ACOXL: variants seen among roughly 807,000 people sequenced by gnomAD.
The protein encoded by ACOXL is acyl-CoA oxidase like, also known as acyl-coenzyme A oxidase-like protein.
In ACOXL, 70 loss-of-function variants were observed where a neutral mutation model predicts 71.9. That is an observed-to-expected ratio of 0.97 (90% CI 0.80 to 1.19). The LOEUF (loss-of-function observed/expected upper bound fraction) is 1.19, where lower values mean the gene tolerates loss of function less well. Among genes scored for constraint, ACOXL ranks in the 50% most tolerant of loss-of-function variants. The pLI is 0.00. For missense variants in ACOXL, 703 were observed against 736.3 expected (o/e 0.95, Z 0.52); for synonymous variants, 253 against 281.6 (o/e 0.90, Z 1.02).
At position 111,091,816 on chromosome 2, in the gene ACOXL, A is replaced by C. The variant is rs531013949; in HGVS notation, c.1441-1049A>C. 2.6e-5 allele frequency among the ~76,000 whole-genome samples: 4 copies of C among 152,314 alleles called. No homozygotes were observed. The South Asian group carries it at 8.3e-4, about 32-fold the overall frequency. On this transcript the variant is annotated intron_variant, in intron 16 of 17. Transcript: ENST00000439055. ...ACTTTCTGGGAAGACTGAATAGTTG[A>C]GGCTCCTCATAATGATGCTGTTCCA...
chr2:111,036,975 T>C (rs1404906284), intron 15 of ACOXL: 3 of 152,126 alleles, frequency 2.0e-5, no homozygotes, highest in Admixed American at 6.6e-5. Context: ...CATCGTAGTA[T>C]GTAAAAATCT....
intron 10 of ACOXL, among the ~76,000 whole-genome samples, chr2:110,858,281 C>A (rs1210529665): frequency 6.6e-6 from 1 of 152,172 alleles, no homozygotes; most frequent in Non-Finnish European, 1.5e-5. Context: ...CTGCATCTGA[C>A]ATCCTTTCGA....
chr2:110,737,611 A>G (rs1036644333), intron 1 of ACOXL, among the ~76,000 whole-genome samples: 3 of 152,154 alleles, frequency 2.0e-5, no homozygotes, highest in African/African-American at 7.2e-5. Context: ...TGACCTCCAC[A>G]CTAGACAGAT....
chr2:110,964,706 G>C (rs2061850739), intron 12 of ACOXL, among the ~76,000 whole-genome samples: 1 of 152,154 alleles, frequency 6.6e-6, no homozygotes, highest in African/African-American at 2.4e-5. Context: ...CATAGTATTT[G>C]TACATATATA....
At chr2:111,068,955 C>A (rs1017001125) in intron 16 of ACOXL, among the ~76,000 whole-genome samples, 1 of 152,086 alleles carries the variant, frequency 6.6e-6, no homozygotes, top group African/African-American at 2.4e-5. Flanking sequence ...TCTGAATTTT[C>A]CTGAAATACA....
chr2:110,741,967 C>A (rs911688283), intron 1 of ACOXL, among the ~76,000 whole-genome samples: 1 of 152,172 alleles, frequency 6.6e-6, no homozygotes, highest in African/African-American at 2.4e-5. Flanking sequence ...GTCTCACAAA[C>A]CTGCAAGGGA....
chr2:111,067,978 G>A (rs552151991), intron 16 of ACOXL, among the ~76,000 whole-genome samples: 9 of 152,222 alleles, frequency 5.9e-5, no homozygotes, highest in East Asian at 5.8e-4. Flanking sequence ...ATGCTGCCCC[G>A]TGCCCCTCTC....
chr2:110,817,444 C>T (rs1014482213), intron 9 of ACOXL, among the ~76,000 whole-genome samples: 1 of 152,238 alleles, frequency 6.6e-6, no homozygotes, highest in African/African-American at 2.4e-5. Context: ...TTGCGAAAGA[C>T]CCTTCATCTG....
intron 10 of ACOXL, among the ~76,000 whole-genome samples, chr2:110,877,495 T>G (rs1271990953): frequency 6.6e-6 from 1 of 151,978 alleles, no homozygotes; most frequent in Admixed American, 6.5e-5. Context: ...GCAAATAGGG[T>G]TTTGTTCGGT....
At chr2:110,898,423 A>G (rs2059101835) in intron 10 of ACOXL, among the ~76,000 whole-genome samples, 3 of 152,260 alleles carry the variant, frequency 2.0e-5, no homozygotes, top group Admixed American at 2.0e-4. Context: ...CAGAGATGGA[A>G]TGCTGGTTTA....
At chr2:110,857,766 C>T (rs1279849396) in intron 10 of ACOXL, among the ~76,000 whole-genome samples, 1 of 152,154 alleles carries the variant, frequency 6.6e-6, no homozygotes, top group Admixed American at 6.5e-5. Flanking sequence ...GGCTCTGTTG[C>T]CCAGGCTGGA....
intron 10 of ACOXL, among the ~76,000 whole-genome samples, chr2:110,856,993 G>GT (rs1169635211): frequency 6.6e-6 from 1 of 152,120 alleles, no homozygotes; most frequent in African/African-American, 2.4e-5. Flanking sequence ...CAGTTATTTC[G>GT]TATCAGGTAG....
At chr2:111,006,237 G>A (rs926569794) in intron 14 of ACOXL, among the ~76,000 whole-genome samples, 4 of 152,242 alleles carry the variant, frequency 2.6e-5, no homozygotes, top group Non-Finnish European at 4.4e-5. Flanking sequence ...TCGTGTAAAA[G>A]TGAGGTTCCC....
At chr2:110,993,166 C>T (rs72834571) in intron 13 of ACOXL, among the ~76,000 whole-genome samples, 9,960 of 152,228 alleles carry the variant, frequency 0.065, 420 homozygotes, top group East Asian at 0.22. Flanking sequence ...GTTGAATTTA[C>T]GTACAATAAA....
intron 2 of ACOXL, 108 bp from the exon 3 acceptor site, chr2:110,784,623 GT>G: frequency 1.3e-6 from 1 of 772,586 alleles, no homozygotes. Flanking sequence ...TGCTTTTACT[GT>G]GTTTATTTTT....
At chr2:111,057,020 C>T (rs955583660) in intron 16 of ACOXL, among the ~76,000 whole-genome samples, 1 of 152,180 alleles carries the variant, frequency 6.6e-6, no homozygotes, top group Non-Finnish European at 1.5e-5. Context: ...ACAGACACTT[C>T]AGCACCTTGG....
intron 10 of ACOXL, among the ~76,000 whole-genome samples, chr2:110,858,006 G>A (rs1693473443): frequency 6.6e-6 from 1 of 152,178 alleles, no homozygotes; most frequent in Non-Finnish European, 1.5e-5. Flanking sequence ...GATTACAGAT[G>A]TGAGCCACTG....
At chr2:110,875,939 G>A (rs1695843378) in intron 10 of ACOXL, among the ~76,000 whole-genome samples, 2 of 152,096 alleles carry the variant, frequency 1.3e-5, no homozygotes, top group African/African-American at 4.8e-5. Flanking sequence ...ACCACTTCTG[G>A]GGCCCTGGAG....
intron 16 of ACOXL, among the ~76,000 whole-genome samples, chr2:111,063,730 G>T (rs1030517736): frequency 2.0e-5 from 3 of 152,182 alleles, no homozygotes; most frequent in Admixed American, 6.5e-5. Flanking sequence ...GCAAAGTTTG[G>T]TCTTACTATT....
Sources: gnomAD v4.1 joint callset for allele counts (sites outside exome capture counted in the v4.1 genomes callset) on GRCh38, gnomAD v4.1.1 for gene constraint, MANE v1.5 for transcripts, NCBI Gene and HGNC (gene_info 2026-07-23, HGNC 2026-07-21) for gene names.